Variants in SYNE2 observed in about 807,000 individuals in gnomAD.
SYNE2 encodes spectrin repeat containing nuclear envelope protein 2, also known as nesprin-2.
SYNE2 carries 431 observed loss-of-function variants against 856.3 expected under a neutral mutation model. The observed-to-expected ratio is 0.50, with a 90% confidence interval of 0.47 to 0.55. The LOEUF (loss-of-function observed/expected upper bound fraction) is 0.55, where lower values mean the gene tolerates loss of function less well. Ranked by LOEUF, SYNE2 falls within the 20% of genes least tolerant of loss-of-function variation. The pLI is 0.00. For missense variants in SYNE2, 8,129 were observed against 8,023.2 expected (o/e 1.01, Z -0.50); for synonymous variants, 2,923 against 2,872.3 (o/e 1.02, Z -0.56).
At chr14:63,961,831 C>T (rs2096319180) in intron 9 of SYNE2, among the ~76,000 whole-genome samples, 1 of 151,902 alleles carries the variant, frequency 6.6e-6, no homozygotes, top group African/African-American at 2.4e-5. Flanking sequence ...CTCTGCTCCC[C>T]ATCCCAGGCA....
chr14:63,893,977 C>G (rs961145965), intron 1 of SYNE2, among the ~76,000 whole-genome samples: 1 of 152,168 alleles, frequency 6.6e-6, no homozygotes, highest in Non-Finnish European at 1.5e-5. Flanking sequence ...GAGTAGGGAG[C>G]AGAGATGAGT....
chr14:63,844,216 T>A (rs552520034), intron 1 of SYNE2, among the ~76,000 whole-genome samples: 34 of 152,316 alleles, frequency 2.2e-4, no homozygotes, highest in African/African-American at 8.2e-4. Flanking sequence ...CAATCACTGA[T>A]CTTTTCACTC....
intron 84 of SYNE2, among the ~76,000 whole-genome samples, chr14:64,147,551 C>A: frequency 6.6e-6 from 1 of 152,112 alleles, no homozygotes. Context: ...GGAACAAGGT[C>A]GAAATGGATT....
At chr14:63,768,815 A>T (rs1886785428) in intron 1 of SYNE2, among the ~76,000 whole-genome samples, 1 of 152,094 alleles carries the variant, frequency 6.6e-6, no homozygotes, top group Non-Finnish European at 1.5e-5. Flanking sequence ...GCATATCACT[A>T]GTCTGGCTTC....
intron 2 of SYNE2, among the ~76,000 whole-genome samples, chr14:63,936,031 T>A (rs551376677): frequency 6.6e-6 from 1 of 152,086 alleles, no homozygotes; most frequent in Non-Finnish European, 1.5e-5. Flanking sequence ...CCCACCACCA[T>A]GCCTGGCTAA....
chr14:64,014,712 C>T (rs1052155867), intron 32 of SYNE2, among the ~76,000 whole-genome samples: 1 of 151,964 alleles, frequency 6.6e-6, no homozygotes, highest in African/African-American at 2.4e-5. Context: ...CGTGAGCCAC[C>T]ATGCCAGGCC....
In SYNE2 at chr14:64,190,306, C is replaced by T. The variant is rs1345495064; in HGVS notation, c.18038+69C>T. On this transcript the variant is annotated intron_variant, in intron 99 of 115. Coordinates refer to ENST00000555002, the MANE Select transcript of SYNE2 (RefSeq NM_182914.3). The stretch of plus-strand genomic sequence containing the variant: ...TACTTTACAGATCTAGTAAACTGAA[C>T]CCAGTCTTCCTCTAAGATGATCCAG... 6 of 1,587,300 alleles carry T rather than the reference C, an allele frequency of 3.8e-6. No individual in the cohort carries two copies. The Admixed American group carries it at 1.0e-4, about 26-fold the overall frequency.
intron 43 of SYNE2, 60 bp downstream of exon 43, chr14:64,027,853 C>A: frequency 7.8e-7 from 1 of 1,274,492 alleles, no homozygotes. Context: ...GTATGCAAGA[C>A]ATATGTGGAA....
Position 63,933,047 on chromosome 14 carries a change from A to G in SYNE2, c.80-7567A>G, listed in dbSNP as rs570536034. ...ATTTTCATAAGGAGAGTGAAAGATC[A>G]AAGTAATGAATCTAGGGCCACATGC... On this transcript the variant is annotated intron_variant, in intron 2 of 115. Coordinates refer to ENST00000555002, the MANE Select transcript of SYNE2 (RefSeq NM_182914.3). Among the ~76,000 whole-genome samples the G allele has an allele frequency of 3.3e-5, 5 of 152,364 alleles. No homozygotes were observed. The South Asian group carries it at 1.0e-3, about 32-fold the overall frequency.
At chr14:63,840,989 G>A (rs1243058280) in intron 1 of SYNE2, among the ~76,000 whole-genome samples, 4 of 152,038 alleles carry the variant, frequency 2.6e-5, no homozygotes, top group Non-Finnish European at 4.4e-5. Flanking sequence ...ACTCCAGCCT[G>A]GGCAACAGGA....
intron 27 of SYNE2, among the ~76,000 whole-genome samples, chr14:63,999,666 ATC>A (rs2096739063): frequency 6.6e-6 from 1 of 152,250 alleles, no homozygotes; most frequent in Non-Finnish European, 1.5e-5. Flanking sequence ...TACAAATAAT[ATC>A]TTTCCTATTA....
At chr14:64,074,255 G>A in intron 53 of SYNE2, 119 bp downstream of exon 53, 2 of 1,005,396 alleles carry the variant, frequency 2.0e-6, no homozygotes, top group South Asian at 1.3e-5. Context: ...GGGAGAGAGA[G>A]AGAGGCATAG....
chr14:64,133,203 C>G (rs1217910092), intron 77 of SYNE2, among the ~76,000 whole-genome samples: 1 of 130,904 alleles, frequency 7.6e-6, no homozygotes, highest in Non-Finnish European at 1.5e-5. Flanking sequence ...GAGACTCTGT[C>G]TCAAAAAAAA....
At chr14:63,917,564 A>T (rs2095547324) in intron 2 of SYNE2, among the ~76,000 whole-genome samples, 2 of 152,120 alleles carry the variant, frequency 1.3e-5, no homozygotes, top group African/African-American at 4.8e-5. Context: ...TCTGCCTCCC[A>T]GGTTCAAGTG....
intron 1 of SYNE2, among the ~76,000 whole-genome samples, chr14:63,837,524 A>T (rs1889898432): frequency 2.0e-5 from 3 of 152,224 alleles, no homozygotes; most frequent in African/African-American, 7.2e-5. Flanking sequence ...GAATTGGAGA[A>T]AATATTTGCT....
At chr14:64,188,871 A>G in intron 98 of SYNE2, 163 bp downstream of exon 98, 1 of 771,642 alleles carries the variant, frequency 1.3e-6, no homozygotes, top group South Asian at 1.5e-5. Flanking sequence ...GAACAGTTGG[A>G]AGAGAGGAGG....
At chr14:63,959,708 C>T (rs1030707596) in intron 8 of SYNE2, among the ~76,000 whole-genome samples, 3 of 151,806 alleles carry the variant, frequency 2.0e-5, no homozygotes, top group African/African-American at 7.3e-5. Context: ...CCTTTTTTAC[C>T]TTCTTTTCTC....
chr14:64,218,338 G>A (rs1293228839), intron 108 of SYNE2, 60 bp from the exon 109 acceptor site: 3 of 1,457,704 alleles, frequency 2.1e-6, no homozygotes, highest in African/African-American at 1.4e-5. Flanking sequence ...AATGAATCCA[G>A]TTGTTCTTCA....
Position 64,075,563 on chromosome 14 carries a change from CA to C in SYNE2, c.10867-381del, listed in dbSNP as rs1282109840. Reference sequence around the variant, plus strand: ...ATGGAGGAAGAAGTAGAAATAGCAACACGTTAAAACAACAACAAAAAACTTC... The same window carrying C: ...ATGGAGGAAGAAGTAGAAATAGCAACCGTTAAAACAACAACAAAAAACTTC... On this transcript the variant is annotated intron_variant, in intron 53 of 115. Coordinates refer to ENST00000555002, the MANE Select transcript of SYNE2 (RefSeq NM_182914.3). 6 of 238,298 alleles carry C rather than the reference CA, an allele frequency of 2.5e-5. No individual in the cohort carries two copies. In the Middle Eastern group the frequency reaches 5.0e-3, roughly 197 times the overall value. The allele number at this position is 238,298 out of a possible 1,614,324, so 14.8% of individuals were successfully genotyped here.
Sources: gnomAD v4.1 joint callset for allele counts (sites outside exome capture counted in the v4.1 genomes callset) on GRCh38, gnomAD v4.1.1 for gene constraint, MANE v1.5 for transcripts, NCBI Gene and HGNC (gene_info 2026-07-23, HGNC 2026-07-21) for gene names.